SFT2D2: variants seen among roughly 807,000 people sequenced by gnomAD.
SFT2D2 encodes SFT2 domain containing 2.
A neutral mutation model predicts 27.4 loss-of-function variants in SFT2D2; 21 were observed. That is an observed-to-expected ratio of 0.77 (90% CI 0.54 to 1.10). The LOEUF is 1.10. SFT2D2 is among the 50% of genes least tolerant of loss of function. SFT2D2 has a pLI of 0.00. For synonymous variants in SFT2D2, 72 were observed against 71.7 expected (o/e 1.00, Z -0.02); for missense variants, 187 against 194.2 (o/e 0.96, Z 0.22).
chr1:168,238,773 A>G (rs1487318535), intron 6 of SFT2D2, among the ~76,000 whole-genome samples: 1 of 152,150 alleles, frequency 6.6e-6, no homozygotes, highest in Non-Finnish European at 1.5e-5. Context: ...ATATTTTTTC[A>G]GAATAGAGTT....
Position 168,231,561 on chromosome 1 carries a change from C to A in SFT2D2, c.111C>A (p.Phe37Leu). ...SLSWSTRIKG[F>L]IACFAIGILC... ...GCTGGAGTACCAGGATAAAAGGCTT[C>A]ATTGCGTGTTTTGCTATAGGAATTC... Residue 37 changes from phenylalanine (F) to leucine (L), a missense_variant, in exon 2 of 8, where the codon TTC (phenylalanine) becomes TTA (leucine). By Grantham distance (22) the Phe-to-Leu change is conservative. Coordinates refer to ENST00000271375, the MANE Select transcript of SFT2D2 (RefSeq NM_199344.3). 6.2e-7 allele frequency: 1 copy of A among 1,613,944 alleles called. No homozygotes were observed. Among genetic ancestry groups the A allele is most frequent in the Non-Finnish European group, 8.5e-7 (1 of 1,180,004 alleles).
rs1572460470 is a variant in SFT2D2 at position 168,252,040 on chromosome 1, A to C, written c.*9500A>C. On this transcript the variant is annotated 3_prime_UTR_variant, in exon 8 of 8. Transcript: ENST00000271375. ...TTATTTTCACTTCTACCCTAAATTCATAGTCCCTGATACTTAAGCTTTACC... is the reference window on the plus strand; with the variant it reads ...TTATTTTCACTTCTACCCTAAATTCCTAGTCCCTGATACTTAAGCTTTACC... 1 of 152,208 alleles carries C rather than the reference A, an allele frequency of 6.6e-6. No homozygotes were observed. The highest frequency in any genetic ancestry group is 1.9e-4 in the East Asian group (1 of 5,192). 9.4% of individuals were successfully genotyped at this position (152,208 alleles called of 1,614,324 possible). A position where few individuals can be genotyped will look rare whatever the true frequency, so the allele number is the denominator to read the frequency against.
intron 4 of SFT2D2, among the ~76,000 whole-genome samples, chr1:168,235,469 A>C (rs550410271): frequency 6.6e-6 from 1 of 152,294 alleles, no homozygotes; most frequent in African/African-American, 2.4e-5. Context: ...GTAGTAAGGG[A>C]GCTCAGACAC....
intron 4 of SFT2D2, among the ~76,000 whole-genome samples, chr1:168,235,607 T>C (rs1647472865): frequency 6.6e-6 from 1 of 152,200 alleles, no homozygotes; most frequent in Non-Finnish European, 1.5e-5. Flanking sequence ...ATTATCTGAC[T>C]TGGGGACTTA....
chr1:168,245,641 A>C lies in SFT2D2; in HGVS notation c.*3101A>C, dbSNP rs1177670903. 6.8e-6 allele frequency: 1 copy of C among 147,162 alleles called. No homozygotes were observed. The highest frequency in any genetic ancestry group is 1.5e-5 in the Non-Finnish European group (1 of 67,522). 9.1% of individuals were successfully genotyped at this position (147,162 alleles called of 1,614,324 possible). ...GGCATGCAGATGATCTAGAAGATCC[A>C]CAGTAACTCTCCTGCTGTGCAGCTG... On this transcript the variant is annotated 3_prime_UTR_variant, in exon 8 of 8. Transcript: ENST00000271375.
At chr1:168,229,452 C>T (rs79121341) in intron 1 of SFT2D2, 1 of 152,192 alleles carries the variant, frequency 6.6e-6, no homozygotes, top group Non-Finnish European at 1.5e-5. Context: ...TAAAATTATC[C>T]GTGTTGATGC....
intron 1 of SFT2D2, among the ~76,000 whole-genome samples, chr1:168,230,993 A>G (rs1320381058): frequency 6.6e-6 from 1 of 152,234 alleles, no homozygotes; most frequent in Non-Finnish European, 1.5e-5. Context: ...TGTAAGTACA[A>G]TATCTGAACC....
chr1:168,241,503 A>T (rs1647643222), intron 7 of SFT2D2, among the ~76,000 whole-genome samples: 2 of 151,822 alleles, frequency 1.3e-5, no homozygotes, highest in Admixed American at 1.3e-4. Context: ...CCACCCTTCT[A>T]TTTGTAAGTT....
chr1:168,236,695 T>G lies in SFT2D2; in HGVS notation c.355-17T>G, dbSNP rs772639068. 1.2e-6 allele frequency: 2 copies of G among 1,614,030 alleles called. No homozygotes were observed. The highest frequency in any genetic ancestry group is 3.3e-5 in the Admixed American group (2 of 60,016). ...CTTGTCTCACACTCTCCTATAACCA[T>G]ATTATTATTTTTCCAGTGGCATAAC... On this transcript the variant is annotated splice_polypyrimidine_tract_variant and intron_variant, in intron 5 of 7. Transcript: ENST00000271375.
intron 4 of SFT2D2, among the ~76,000 whole-genome samples, 182 bp downstream of exon 4, chr1:168,235,364 C>A (rs988267559): frequency 5.3e-5 from 8 of 152,192 alleles, no homozygotes; most frequent in African/African-American, 1.9e-4. Flanking sequence ...CCCCTCCTCC[C>A]CTACTTTGTG....
Position 168,226,140 on chromosome 1 carries a change from G to T in SFT2D2, c.61G>T (p.Glu21Ter). Residue 21 changes from glutamate to a stop codon, truncating the protein, a stop_gained and splice_region_variant, in exon 1 of 8, where the codon GAG becomes TAG. Transcript: ENST00000271375. LOFTEE classifies it high-confidence loss of function. ...CACGGAGGACCGGAGCGGCCTGTCC[G>T]AGGTGAGTGAGCCCGGGGCCGTCGG... is the stretch of plus-strand genomic sequence containing the variant. The part of the protein sequence containing the change: ...QDTEDRSGLS[E>*]VVEASSLSWS... 2.6e-6 allele frequency: 4 copies of T among 1,532,800 alleles called. No homozygotes were observed. Among genetic ancestry groups the T allele is most frequent in the Non-Finnish European group, 3.5e-6 (4 of 1,139,214 alleles). The allele number at this position is 1,532,800 out of a possible 1,614,324, so 94.9% of individuals were successfully genotyped here.
intron 7 of SFT2D2, among the ~76,000 whole-genome samples, chr1:168,240,070 G>A (rs899113047): frequency 2.6e-5 from 4 of 151,730 alleles, no homozygotes; most frequent in African/African-American, 9.7e-5. Flanking sequence ...AGCTACTTGG[G>A]AGGCTGAGGC....
In SFT2D2 at chr1:168,246,358, T is replaced by C; in HGVS notation, c.*3818T>C. Reference sequence around the variant, plus strand: ...TTTTGTCTTCGTAGTTGACATAATCTTACTTGCTTTTCTGTGCATTTTTCT... The same window carrying C: ...TTTTGTCTTCGTAGTTGACATAATCCTACTTGCTTTTCTGTGCATTTTTCT... On this transcript the variant is annotated 3_prime_UTR_variant, in exon 8 of 8. Coordinates refer to ENST00000271375, the MANE Select transcript of SFT2D2 (RefSeq NM_199344.3). The C allele has an allele frequency of 2.0e-6, 1 of 507,994 alleles. No individual in the cohort carries two copies. Among genetic ancestry groups the C allele is most frequent in the Non-Finnish European group, 3.4e-6 (1 of 292,792 alleles). The allele number at this position is 507,994 out of a possible 1,614,324, so 31.5% of individuals were successfully genotyped here. A position where few individuals can be genotyped will look rare whatever the true frequency, so the allele number is the denominator to read the frequency against.
intron 6 of SFT2D2, 78 bp downstream of exon 6, chr1:168,236,848 G>C: frequency 1.4e-6 from 2 of 1,462,564 alleles, no homozygotes; most frequent in Admixed American, 1.8e-5. Context: ...CTCACATATT[G>C]TGGGTGGGAG....
chr1:168,236,916 C>A, intron 6 of SFT2D2, 146 bp downstream of exon 6: 1 of 1,044,870 alleles, frequency 9.6e-7, no homozygotes, highest in South Asian at 1.4e-5. Flanking sequence ...AAAGTGAAGT[C>A]AGGCTCCAGA....
In SFT2D2 at chr1:168,238,642, G is replaced by C. The variant is rs535634921; in HGVS notation, c.414-489G>C. ...GCCTAGAAATTCAAGGCTGCAGTGA[G>C]CTATGATTGAGCCACTATATTCCAG... On this transcript the variant is annotated intron_variant, in intron 6 of 7. Coordinates refer to ENST00000271375, the MANE Select transcript of SFT2D2 (RefSeq NM_199344.3). 2.0e-5 allele frequency among the ~76,000 whole-genome samples: 3 copies of C among 151,968 alleles called. No individual in the cohort carries two copies. In the South Asian group the frequency reaches 6.2e-4, roughly 32 times the overall value.
intron 1 of SFT2D2, among the ~76,000 whole-genome samples, chr1:168,227,402 GTGGTTGC>G (rs983631682): frequency 6.6e-5 from 10 of 152,180 alleles, no homozygotes; most frequent in African/African-American, 2.4e-4. Flanking sequence ...ACCCACGTTT[GTGGTTGC>G]TGATTTTATT....
intron 1 of SFT2D2, among the ~76,000 whole-genome samples, chr1:168,231,100 G>A (rs576406746): frequency 6.6e-6 from 1 of 152,270 alleles, no homozygotes; most frequent in Admixed American, 6.5e-5. Flanking sequence ...TATTTCCTGG[G>A]ACCCTGCCTG....
At position 168,242,843 on chromosome 1, in the gene SFT2D2, C is replaced by A; in HGVS notation, c.*303C>A. The A allele has an allele frequency of 5.1e-6, 2 of 391,560 alleles. No homozygotes were observed. The highest frequency in any genetic ancestry group is 8.3e-4 in the Middle Eastern group (1 of 1,210). The allele number at this position is 391,560 out of a possible 1,614,324, so 24.3% of individuals were successfully genotyped here. On this transcript the variant is annotated 3_prime_UTR_variant, in exon 8 of 8. Coordinates refer to ENST00000271375, the MANE Select transcript of SFT2D2 (RefSeq NM_199344.3). ...TTCCCATGAATACAAACCTATTCAGCAACAGCACATAAGCCTTGGGTGCAA... is the reference window on the plus strand; with the variant it reads ...TTCCCATGAATACAAACCTATTCAGAAACAGCACATAAGCCTTGGGTGCAA...
Sources: gnomAD v4.1 joint callset for allele counts (sites outside exome capture counted in the v4.1 genomes callset) on GRCh38, gnomAD v4.1.1 for gene constraint, MANE v1.5 for transcripts, NCBI Gene and HGNC (gene_info 2026-07-23, HGNC 2026-07-21) for gene names.